GRID1: variants seen among roughly 807,000 people sequenced by gnomAD.
GRID1 encodes glutamate receptor ionotropic, delta-1.
In GRID1, 28 loss-of-function variants were observed where a neutral mutation model predicts 98.0. The observed-to-expected ratio is 0.29, with a 90% CI of 0.21 to 0.39. The LOEUF (loss-of-function observed/expected upper bound fraction) is 0.39, where lower values mean the gene tolerates loss of function less well. Ranked by LOEUF, GRID1 falls within the 10% of genes least tolerant of loss-of-function variation. The pLI is 1.00. For missense variants in GRID1, 1,111 were observed against 1,340.5 expected (o/e 0.83, Z 2.67); for synonymous variants, 553 against 538.5 (o/e 1.03, Z -0.37).
intron 4 of GRID1, among the ~76,000 whole-genome samples, chr10:86,018,602 C>T (rs906929743): frequency 2.6e-5 from 4 of 152,196 alleles, no homozygotes; most frequent in East Asian, 3.8e-4. Context: ...CAGGTGCCCA[C>T]GCCTTCCAGA....
chr10:86,237,325 T>A (rs182612444), intron 2 of GRID1, among the ~76,000 whole-genome samples: 1 of 152,134 alleles, frequency 6.6e-6, no homozygotes, highest in Admixed American at 6.5e-5. Context: ...TGGTGGGAGG[T>A]GACTAGATCA....
intron 4 of GRID1, among the ~76,000 whole-genome samples, chr10:85,976,588 G>T (rs72845584): frequency 6.6e-6 from 1 of 152,160 alleles, no homozygotes; most frequent in South Asian, 2.1e-4. Context: ...CTAGCTCCCC[G>T]GCCCCTTGCC....
At chr10:85,913,161 G>T (rs779669370) in intron 5 of GRID1, among the ~76,000 whole-genome samples, 1 of 152,062 alleles carries the variant, frequency 6.6e-6, no homozygotes, top group African/African-American at 2.4e-5. Flanking sequence ...GGCACCAAAG[G>T]CCAGCCCAAG....
chr10:85,994,781 G>A (rs931873371), intron 4 of GRID1, among the ~76,000 whole-genome samples: 4 of 152,188 alleles, frequency 2.6e-5, no homozygotes, highest in Non-Finnish European at 5.9e-5. Context: ...TGCTTTTACA[G>A]AGACAGCCTA....
intron 8 of GRID1, among the ~76,000 whole-genome samples, chr10:85,788,278 G>A (rs942686628): frequency 6.6e-6 from 1 of 152,086 alleles, no homozygotes; most frequent in Non-Finnish European, 1.5e-5. Context: ...AGGCAGGGAG[G>A]CGCAGTGAGC....
chr10:85,820,032 AGGCAGGC>A (rs1842751403), intron 8 of GRID1, among the ~76,000 whole-genome samples: 83 of 91,428 alleles, frequency 9.1e-4, no homozygotes, highest in East Asian at 2.2e-3. Context: ...GAAGGAAGGC[AGGCAGGC>A]AGGCAGGCAG....
chr10:85,777,882 C>T (rs884316), intron 8 of GRID1, among the ~76,000 whole-genome samples: 99,457 of 152,016 alleles, frequency 0.65, 32,833 homozygotes, highest in East Asian at 0.86. Context: ...CACTCTTGTA[C>T]GCAGAAATTT....
chr10:86,043,520 C>G (rs1055026080), intron 4 of GRID1, among the ~76,000 whole-genome samples: 2 of 152,178 alleles, frequency 1.3e-5, no homozygotes, highest in African/African-American at 4.8e-5. Flanking sequence ...GATCCTTGCC[C>G]TCATTACTGG....
chr10:86,107,696 T>C (rs1181351303), intron 4 of GRID1, among the ~76,000 whole-genome samples: 1 of 152,170 alleles, frequency 6.6e-6, no homozygotes, highest in Non-Finnish European at 1.5e-5. Flanking sequence ...CACAGGCAGC[T>C]GAATATTGAG....
At chr10:86,287,110 C>A (rs558889168) in intron 2 of GRID1, among the ~76,000 whole-genome samples, 1 of 152,336 alleles carries the variant, frequency 6.6e-6, no homozygotes, top group South Asian at 2.1e-4. Context: ...ATGCACAGGA[C>A]AGCTCTGGAG....
chr10:85,650,417 T>A (rs910111259), intron 12 of GRID1, among the ~76,000 whole-genome samples: 12 of 151,948 alleles, frequency 7.9e-5, no homozygotes, highest in Non-Finnish European at 5.9e-5. Flanking sequence ...CTATCACAGG[T>A]GTGGTCTCTA....
intron 4 of GRID1, among the ~76,000 whole-genome samples, chr10:86,120,884 C>T (rs1844655069): frequency 6.6e-6 from 1 of 152,064 alleles, no homozygotes; most frequent in Non-Finnish European, 1.5e-5. Context: ...CCACCAACCT[C>T]CAAGTAGAAT....
At chr10:86,133,576 G>C (rs1304606459) in intron 4 of GRID1, among the ~76,000 whole-genome samples, 1 of 152,234 alleles carries the variant, frequency 6.6e-6, no homozygotes, top group Admixed American at 6.5e-5. Flanking sequence ...AGCCCTTGCT[G>C]ATGTGCTGGC....
intron 4 of GRID1, among the ~76,000 whole-genome samples, chr10:85,931,088 T>C (rs912614563): frequency 6.6e-6 from 1 of 152,130 alleles, no homozygotes; most frequent in Non-Finnish European, 1.5e-5. Flanking sequence ...GGCCTTAGCC[T>C]CCCAAAGTGC....
At chr10:85,918,501 G>C (rs962677981) in intron 4 of GRID1, among the ~76,000 whole-genome samples, 2 of 152,222 alleles carry the variant, frequency 1.3e-5, no homozygotes, top group Non-Finnish European at 2.9e-5. Flanking sequence ...TTGAAGGGTT[G>C]ACCTAACCAG....
chr10:86,022,218 T>C (rs1843059136), intron 4 of GRID1, among the ~76,000 whole-genome samples: 2 of 152,254 alleles, frequency 1.3e-5, no homozygotes. Context: ...TTATATTTTA[T>C]AAAATGTATC....
chr10:85,747,243 C>T (rs1026161998), intron 8 of GRID1, among the ~76,000 whole-genome samples: 5 of 152,074 alleles, frequency 3.3e-5, no homozygotes, highest in Admixed American at 3.3e-4. Context: ...ATGCACATAG[C>T]AGTGACTGTA....
At chr10:85,781,469 G>A (rs537615326) in intron 8 of GRID1, among the ~76,000 whole-genome samples, 8 of 152,084 alleles carry the variant, frequency 5.3e-5, no homozygotes, top group Non-Finnish European at 1.0e-4. Context: ...ATCTACTTTT[G>A]TAAAATACAA....
intron 4 of GRID1, among the ~76,000 whole-genome samples, chr10:85,921,105 CT>C (rs1328770741): frequency 6.6e-6 from 1 of 152,218 alleles, no homozygotes; most frequent in Non-Finnish European, 1.5e-5. Flanking sequence ...GACTTCTCTT[CT>C]AGCCCCTTTT....
Sources: allele counts gnomAD v4.1 joint callset (sites outside exome capture counted in the v4.1 genomes callset), GRCh38; gene constraint gnomAD v4.1.1; transcripts MANE v1.5; gene names NCBI Gene and HGNC (gene_info 2026-07-23, HGNC 2026-07-21).